The following EYS variants were observed in gnomAD, a reference collection of about 807,000 sequenced individuals.
EYS encodes protein eyes shut homolog.
EYS carries 250 observed loss-of-function variants against 282.1 expected under a neutral mutation model. The ratio of observed to expected loss-of-function variants is 0.89; its 90% CI spans 0.80 to 0.98. EYS has a LOEUF of 0.98. EYS is among the 50% of genes least tolerant of loss of function. The pLI is 0.00. For missense variants in EYS, 4,016 were observed against 3,709.0 expected (o/e 1.08, Z -2.15); for synonymous variants, 1,355 against 1,282.9 (o/e 1.06, Z -1.20).
chr6:64,337,398 T>A (rs1770895122), intron 29 of EYS, among the ~76,000 whole-genome samples: 1 of 151,998 alleles, frequency 6.6e-6, no homozygotes, highest in African/African-American at 2.4e-5. Context: ...AATAAATTCC[T>A]GGAAAAATAC....
At chr6:65,136,915 G>A (rs967664366) in intron 12 of EYS, among the ~76,000 whole-genome samples, 1 of 152,012 alleles carries the variant, frequency 6.6e-6, no homozygotes, top group Non-Finnish European at 1.5e-5. Flanking sequence ...GTCCTGGGCT[G>A]AAGCAATCTG....
chr6:65,568,002 C>T (rs774568192), intron 2 of EYS, among the ~76,000 whole-genome samples: 5 of 152,024 alleles, frequency 3.3e-5, no homozygotes, highest in Admixed American at 1.3e-4. Context: ...TTGAAGTTTC[C>T]GTTTTCCCAC....
intron 2 of EYS, among the ~76,000 whole-genome samples, chr6:65,619,033 C>T (rs188967861): frequency 1.9e-4 from 29 of 152,160 alleles, no homozygotes; most frequent in Admixed American, 1.3e-3. Flanking sequence ...CTTGGCGATG[C>T]GGGCTCTTTT....
chr6:64,961,036 C>A (rs967847865), intron 14 of EYS, among the ~76,000 whole-genome samples: 7 of 152,210 alleles, frequency 4.6e-5, no homozygotes, highest in African/African-American at 1.7e-4. Flanking sequence ...ACCACATTTT[C>A]TTTATCCAGT....
intron 22 of EYS, among the ~76,000 whole-genome samples, chr6:64,671,334 A>G (rs893521976): frequency 1.3e-5 from 2 of 152,014 alleles, no homozygotes; most frequent in Non-Finnish European, 2.9e-5. Context: ...GACCCCAGAG[A>G]GATAGCTGGC....
intron 11 of EYS, among the ~76,000 whole-genome samples, chr6:65,298,107 G>C (rs1768717023): frequency 6.6e-6 from 1 of 151,972 alleles, no homozygotes; most frequent in African/African-American, 2.4e-5. Flanking sequence ...AGAATACGAA[G>C]GCATATCTTT....
At chr6:63,764,618 AT>A (rs909303088) in intron 40 of EYS, among the ~76,000 whole-genome samples, 3 of 152,010 alleles carry the variant, frequency 2.0e-5, no homozygotes, top group African/African-American at 7.2e-5. Flanking sequence ...AAAATATTTT[AT>A]TTAATTCACT....
At chr6:63,812,447 C>G (rs569275456) in intron 36 of EYS, among the ~76,000 whole-genome samples, 1 of 152,238 alleles carries the variant, frequency 6.6e-6, no homozygotes, top group Admixed American at 6.5e-5. Context: ...TTCCCAACCC[C>G]GTACTCTCTA....
At chr6:65,203,221 A>G (rs1428432931) in intron 12 of EYS, among the ~76,000 whole-genome samples, 1 of 152,148 alleles carries the variant, frequency 6.6e-6, no homozygotes, top group African/African-American at 2.4e-5. Flanking sequence ...TGCTGAAACC[A>G]GTTTATACCA....
chr6:65,346,793 G>A (rs546843246), intron 9 of EYS, among the ~76,000 whole-genome samples: 1 of 151,692 alleles, frequency 6.6e-6, no homozygotes, highest in Non-Finnish European at 1.5e-5. Context: ...TGAAATTTCA[G>A]AACACTGAGC....
chr6:64,311,859 C>T (rs1769719727), intron 29 of EYS, among the ~76,000 whole-genome samples: 2 of 152,220 alleles, frequency 1.3e-5, no homozygotes, highest in East Asian at 1.9e-4. Flanking sequence ...GTGCTTTTCC[C>T]ACAGTCTTCA....
chr6:64,620,285 T>C (rs151006154), intron 23 of EYS, among the ~76,000 whole-genome samples: 44 of 152,244 alleles, frequency 2.9e-4, no homozygotes, highest in African/African-American at 1.0e-3. Context: ...CCAAGGAAGG[T>C]TGACCACCAG....
At chr6:64,031,471 A>C (rs1170907763) in intron 33 of EYS, among the ~76,000 whole-genome samples, 1 of 152,146 alleles carries the variant, frequency 6.6e-6, no homozygotes, top group East Asian at 1.9e-4. Flanking sequence ...GCTTCATGGC[A>C]CGCAGTCCCA....
chr6:64,026,089 C>T (rs554610022), intron 33 of EYS, among the ~76,000 whole-genome samples: 5 of 152,282 alleles, frequency 3.3e-5, no homozygotes, highest in South Asian at 2.1e-4. Context: ...TCTGCTGCTG[C>T]GTCAGTGAGC....
At chr6:64,966,294 G>C (rs1770092516) in intron 14 of EYS, among the ~76,000 whole-genome samples, 1 of 152,102 alleles carries the variant, frequency 6.6e-6, no homozygotes, top group Non-Finnish European at 1.5e-5. Flanking sequence ...TGGTTTGTTA[G>C]TATGTTTTGT....
At chr6:64,370,566 A>AT (rs1298870018) in intron 29 of EYS, among the ~76,000 whole-genome samples, 3 of 151,964 alleles carry the variant, frequency 2.0e-5, no homozygotes, top group African/African-American at 2.4e-5. Context: ...CCCCCTCCTC[A>AT]TTTTTTCAGA....
chr6:64,026,975 C>T (rs574320126), intron 33 of EYS, among the ~76,000 whole-genome samples: 1 of 152,154 alleles, frequency 6.6e-6, no homozygotes, highest in Non-Finnish European at 1.5e-5. Context: ...TTTGACCTCA[C>T]TTAGAGAGAT....
At chr6:65,391,071 G>T (rs1302895325) in intron 7 of EYS, among the ~76,000 whole-genome samples, 2 of 151,962 alleles carry the variant, frequency 1.3e-5, no homozygotes, top group Admixed American at 6.6e-5. Flanking sequence ...AAGATTTCAT[G>T]ATGTTAATTC....
At chr6:65,559,850 G>A (rs1165229507) in intron 2 of EYS, among the ~76,000 whole-genome samples, 1 of 151,610 alleles carries the variant, frequency 6.6e-6, no homozygotes, top group East Asian at 1.9e-4. Context: ...GTATATTTTA[G>A]CTTGTACCTT....
Sources: allele counts gnomAD v4.1 joint callset (sites outside exome capture counted in the v4.1 genomes callset), GRCh38; gene constraint gnomAD v4.1.1; transcripts MANE v1.5; gene names NCBI Gene and HGNC (gene_info 2026-07-23, HGNC 2026-07-21).